The following ZNF367 variants were observed in gnomAD, a reference collection of about 807,000 sequenced individuals.
The protein encoded by ZNF367 is zinc finger protein 367, also known as C2H2 zinc finger protein ZFF29.
In ZNF367, 11 loss-of-function variants were observed where a neutral mutation model predicts 31.8. The observed-to-expected ratio is 0.35, with a 90% CI of 0.22 to 0.57. The LOEUF is 0.57. Among genes scored for constraint, ZNF367 ranks in the 20% least tolerant of loss-of-function variants. The probability of loss-of-function intolerance (pLI) is 0.85; values close to 1 mark genes in which losing one functional copy is unlikely to be tolerated. For missense variants in ZNF367, 353 were observed against 484.1 expected (o/e 0.73, Z 2.54); for synonymous variants, 199 against 202.4 (o/e 0.98, Z 0.14).
chr9:96,397,147 A>G (rs774718019), intron 2 of ZNF367, among the ~76,000 whole-genome samples: 2 of 152,132 alleles, frequency 1.3e-5, no homozygotes, highest in Non-Finnish European at 2.9e-5. Context: ...CACAGTGGCT[A>G]CTGTATGGGG....
chr9:96,397,341 T>TA (rs1211910544), intron 2 of ZNF367, among the ~76,000 whole-genome samples: 10 of 152,078 alleles, frequency 6.6e-5, no homozygotes, highest in African/African-American at 2.4e-4. Context: ...CTCTAAATGA[T>TA]ATTTAAAATG....
intron 1 of ZNF367, among the ~76,000 whole-genome samples, chr9:96,415,092 T>C (rs1389812901): frequency 1.3e-5 from 2 of 150,290 alleles, no homozygotes; most frequent in African/African-American, 4.9e-5. Context: ...TCTTGCTCTG[T>C]CGCCCAGGCT....
intron 4 of ZNF367, 95 bp from the exon 5 acceptor site, chr9:96,388,554 T>G (rs1831431860): frequency 2.7e-6 from 3 of 1,107,498 alleles, no homozygotes; most frequent in Non-Finnish European, 3.9e-6. Context: ...AATATTACTT[T>G]TATGTGGTTC....
In ZNF367 at chr9:96,418,183, C is replaced by T; in HGVS notation, c.-151G>A. 1 of 1,179,982 alleles carries T rather than the reference C, an allele frequency of 8.5e-7. No individual in the cohort carries two copies. The highest frequency in any genetic ancestry group is 3.2e-4 in the Middle Eastern group (1 of 3,148). 73.1% of individuals were successfully genotyped at this position (1,179,982 alleles called of 1,614,324 possible). ...GGAATCCTGCGCAGCAGCCACCTAACTAGTTGAGCAGACGGCACCGGCGGG... is the reference window on the plus strand; with the variant it reads ...GGAATCCTGCGCAGCAGCCACCTAATTAGTTGAGCAGACGGCACCGGCGGG... On this transcript the variant is annotated 5_prime_UTR_variant, in exon 1 of 5. Coordinates refer to ENST00000375256, the MANE Select transcript of ZNF367 (RefSeq NM_153695.4).
At chr9:96,398,072 A>C (rs1831555060) in intron 2 of ZNF367, 92 bp downstream of exon 2, 5 of 1,265,158 alleles carry the variant, frequency 4.0e-6, no homozygotes, top group Non-Finnish European at 4.2e-6. Flanking sequence ...CCTGGGCAAC[A>C]GAGCGAGACT....
intron 1 of ZNF367, chr9:96,407,275 G>GC: frequency 6.8e-7 from 1 of 1,470,444 alleles, no homozygotes; most frequent in Non-Finnish European, 9.5e-7. Flanking sequence ...CGGCTCTGCG[G>GC]CCGTCACCAT....
At chr9:96,395,857 G>GC (rs1253506593) in intron 2 of ZNF367, among the ~76,000 whole-genome samples, 1 of 8,050 alleles carries the variant, frequency 1.2e-4, no homozygotes, top group Non-Finnish European at 1.7e-4. Context: ...TGAAAAATTT[G>GC]TTAATGATAA....
intron 1 of ZNF367, among the ~76,000 whole-genome samples, chr9:96,414,547 G>A (rs552857534): frequency 6.6e-5 from 10 of 152,056 alleles, no homozygotes; most frequent in African/African-American, 2.2e-4. Context: ...GCACGATCTC[G>A]GCTCACTGCA....
intron 1 of ZNF367, among the ~76,000 whole-genome samples, chr9:96,413,456 G>T (rs1831779136): frequency 6.6e-6 from 1 of 152,168 alleles, no homozygotes; most frequent in South Asian, 2.1e-4. Flanking sequence ...AGGTTTTGAA[G>T]TGTTCAGGTG....
chr9:96,412,620 G>C (rs181435933), intron 1 of ZNF367, among the ~76,000 whole-genome samples: 66 of 151,652 alleles, frequency 4.4e-4, no homozygotes, highest in African/African-American at 1.5e-3. Flanking sequence ...ATTGAATTGA[G>C]TGCACTTTTA....
rs1831862671 is a variant in ZNF367, at chr9:96,418,200, A to G, written c.-168T>C. 1 of 1,063,332 alleles carries G rather than the reference A, an allele frequency of 9.4e-7. No homozygotes were observed. Among genetic ancestry groups the G allele is most frequent in the African/African-American group, 1.6e-5 (1 of 61,100 alleles). The allele number at this position is 1,063,332 out of a possible 1,614,324, so 65.9% of individuals were successfully genotyped here. On this transcript the variant is annotated 5_prime_UTR_variant, in exon 1 of 5. Transcript: ENST00000375256. ...CCACCTAACTAGTTGAGCAGACGGC[A>G]CCGGCGGGCAGGGCTGGACCCCAGC...
intron 4 of ZNF367, among the ~76,000 whole-genome samples, chr9:96,390,763 GGT>G (rs1491395458): frequency 6.6e-6 from 1 of 151,762 alleles, no homozygotes; most frequent in African/African-American, 2.4e-5. Flanking sequence ...ACACACCTGT[GGT>G]CCCAGCTACT....
In ZNF367 at chr9:96,417,295, C is replaced by T. The variant is rs1191410872; in HGVS notation, c.420+318G>A. Among the ~76,000 whole-genome samples the T allele has an allele frequency of 6.6e-6, 1 of 152,156 alleles. No homozygotes were observed. The highest frequency in any genetic ancestry group is 1.5e-5 in the Non-Finnish European group (1 of 68,026). ...GGCCCTCATCCCTCTCGTTTCCTCT[C>T]GGAACTGAGGACTCGGCAGCCCGCC... On this transcript the variant is annotated intron_variant, in intron 1 of 4. Transcript: ENST00000375256. This position sits in a 1 kb window ranked among gnomAD's most constrained non-coding sequence, Gnocchi z 5.0.
chr9:96,408,151 T>C (rs1831696555), intron 1 of ZNF367, among the ~76,000 whole-genome samples: 1 of 152,016 alleles, frequency 6.6e-6, no homozygotes, highest in Non-Finnish European at 1.5e-5. Flanking sequence ...ACATGGCACA[T>C]GTATACATAT....
At chr9:96,407,396 A>C in intron 1 of ZNF367, 1 of 1,489,852 alleles carries the variant, frequency 6.7e-7, no homozygotes, top group South Asian at 1.1e-5. Flanking sequence ...CGTTCAAAGA[A>C]GGCAAAGAAA....
chr9:96,399,202 G>A (rs1044042394), intron 1 of ZNF367, among the ~76,000 whole-genome samples: 17 of 152,076 alleles, frequency 1.1e-4, no homozygotes, highest in South Asian at 6.2e-4. Flanking sequence ...CTGAACTTTC[G>A]GCTCAGCACA....
intron 4 of ZNF367, among the ~76,000 whole-genome samples, chr9:96,391,323 G>A (rs1341317209): frequency 2.0e-5 from 3 of 152,192 alleles, no homozygotes; most frequent in African/African-American, 7.2e-5. Context: ...GAAAGCATCT[G>A]TTAAGTTGGT....
chr9:96,407,677 G>A (rs1831688210), intron 1 of ZNF367: 4 of 1,419,456 alleles, frequency 2.8e-6, no homozygotes, highest in African/African-American at 2.9e-5. Context: ...GGGAGAAGCA[G>A]AAGTATTAAA....
intron 1 of ZNF367, among the ~76,000 whole-genome samples, chr9:96,405,866 G>C (rs186369965): frequency 6.6e-6 from 1 of 152,270 alleles, no homozygotes; most frequent in Admixed American, 6.5e-5. Flanking sequence ...GGAACTCTTA[G>C]AACATTATGA....
Sources: allele counts gnomAD v4.1 joint callset (sites outside exome capture counted in the v4.1 genomes callset), GRCh38; gene constraint gnomAD v4.1.1; non-coding constraint Gnocchi (gnomAD v3.1); transcripts MANE v1.5; gene names NCBI Gene and HGNC (gene_info 2026-07-23, HGNC 2026-07-21).